The following PCDHGB4 variants were observed in gnomAD, a reference collection of about 807,000 sequenced individuals.
PCDHGB4 encodes protocadherin gamma subfamily B, 4, also known as protocadherin gamma-B4.
In PCDHGB4, 38 loss-of-function variants were observed where a neutral mutation model predicts 60.5. The ratio of observed to expected loss-of-function variants is 0.63; its 90% CI spans 0.48 to 0.82. The LOEUF (loss-of-function observed/expected upper bound fraction) is 0.82. Ranked by LOEUF, PCDHGB4 falls within the 40% of genes least tolerant of loss-of-function variation. The pLI is 0.00. For missense variants in PCDHGB4, 1,109 were observed against 1,209.6 expected (o/e 0.92, Z 1.23); for synonymous variants, 456 against 509.7 (o/e 0.89, Z 1.42).
intron 1 of PCDHGB4, among the ~76,000 whole-genome samples, chr5:141,406,071 C>T (rs2094755708): frequency 7.4e-6 from 1 of 134,244 alleles, no homozygotes; most frequent in East Asian, 2.1e-4. Context: ...AATTCTTACT[C>T]CTTTTTTTTT....
chr5:141,473,245 C>T (rs2099317733), intron 1 of PCDHGB4, among the ~76,000 whole-genome samples: 1 of 152,134 alleles, frequency 6.6e-6, no homozygotes, highest in African/African-American at 2.4e-5. Context: ...CAAGTGAATA[C>T]ATATATAGTC....
At chr5:141,407,032 CAT>C (rs2094880022) in intron 1 of PCDHGB4, among the ~76,000 whole-genome samples, 1 of 152,174 alleles carries the variant, frequency 6.6e-6, no homozygotes, top group African/African-American at 2.4e-5. Flanking sequence ...CTATGCTAAA[CAT>C]GTGATCCATA....
rs769760594 is a variant in PCDHGB4, at chr5:141,389,212, TA to T, written c.1331del (p.Asn444MetfsTer13). ...SSSITLHIGD[V>X]NDNAPVFSQS... ...AGCATCACCCTGCACATTGGTGATG[TA>T]AATGACAACGCTCCGGTTTTCTCAC... On this transcript the variant is annotated frameshift_variant, in exon 1 of 4. Coordinates refer to ENST00000519479, the MANE Select transcript of PCDHGB4 (RefSeq NM_003736.4). LOFTEE classifies it high-confidence loss of function. 96 of 1,614,016 alleles carry T rather than the reference TA, an allele frequency of 5.9e-5. No homozygotes were observed. The East Asian group carries it at 2.0e-3, about 33-fold the overall frequency.
Position 141,485,227 on chromosome 5 carries a change from G to T in PCDHGB4, c.2398-9580G>T. Reference sequence around the variant, plus strand: ...AAATCTGGCGGTGGGCTACCCTTTTGTTCCTCTTTTACCACCTGGGTTACG... The same window carrying T: ...AAATCTGGCGGTGGGCTACCCTTTTTTTCCTCTTTTACCACCTGGGTTACG... On this transcript the variant is annotated intron_variant, in intron 1 of 3. Transcript: ENST00000519479. The surrounding 1 kb of genome is among the most constrained non-coding windows in gnomAD (Gnocchi z 5.7). The T allele has an allele frequency of 6.2e-7, 1 of 1,614,186 alleles. No individual in the cohort carries two copies. Among genetic ancestry groups the T allele is most frequent in the Non-Finnish European group, 8.5e-7 (1 of 1,180,020 alleles).
chr5:141,408,372 G>A, intron 1 of PCDHGB4: 2 of 1,614,024 alleles, frequency 1.2e-6, no homozygotes, highest in African/African-American at 1.3e-5. Flanking sequence ...CTAGGGCTCA[G>A]TGTCCTGGAT....
chr5:141,409,481 A>G (rs1589715212), intron 1 of PCDHGB4: 1 of 1,613,968 alleles, frequency 6.2e-7, no homozygotes, highest in Non-Finnish European at 8.5e-7. Context: ...AGCCACTGAC[A>G]GGGGCAAGCC....
intron 1 of PCDHGB4, chr5:141,415,488 C>T: frequency 1.9e-6 from 3 of 1,614,220 alleles, no homozygotes; most frequent in Non-Finnish European, 2.5e-6. Context: ...GAAAGAGTCA[C>T]CTGATCTTCC....
At position 141,487,219 on chromosome 5, in the gene PCDHGB4, A is replaced by G. The variant is rs750819958; in HGVS notation, c.2398-7588A>G. ...CAGATCTTCGAGAATCTTCAGCTCC[A>G]AGGGAAGGAGAATCTCGTCTAACCC... On this transcript the variant is annotated intron_variant, in intron 1 of 3. Transcript: ENST00000519479. This position sits in a 1 kb window ranked among gnomAD's most constrained non-coding sequence, Gnocchi z 5.0. The G allele has an allele frequency of 1.2e-6, 2 of 1,613,952 alleles. No individual in the cohort carries two copies. The highest frequency in any genetic ancestry group is 3.3e-5 in the Admixed American group (2 of 60,020).
In PCDHGB4 at chr5:141,432,038, C is replaced by T. The variant is rs202246871; in HGVS notation, c.2397+41757C>T. ...CAACATCACAGTGACCGCCACTGAC[C>T]GGGGAACCCCGCCCCTATCCACGGA... On this transcript the variant is annotated intron_variant, in intron 1 of 3. Coordinates refer to ENST00000519479, the MANE Select transcript of PCDHGB4 (RefSeq NM_003736.4). The surrounding 1 kb of genome is among the most constrained non-coding windows in gnomAD (Gnocchi z 6.0). 15 of 1,614,190 alleles carry T rather than the reference C, an allele frequency of 9.3e-6. No individual in the cohort carries two copies. The African/African-American group carries it at 1.5e-4, about 16-fold the overall frequency.
intron 1 of PCDHGB4, chr5:141,428,370 C>A: frequency 1.8e-6 from 1 of 540,734 alleles, no homozygotes; most frequent in Non-Finnish European, 3.4e-6. Flanking sequence ...TCGCCTTGCA[C>A]CTGCGATGCT....
At chr5:141,396,847 T>G (rs2093444333) in intron 1 of PCDHGB4, among the ~76,000 whole-genome samples, 1 of 152,190 alleles carries the variant, frequency 6.6e-6, no homozygotes. Context: ...GGGAGTTAAC[T>G]TCATAGTTTG....
chr5:141,445,137 T>C (rs933188032), intron 1 of PCDHGB4, among the ~76,000 whole-genome samples: 9 of 152,248 alleles, frequency 5.9e-5, no homozygotes, highest in Admixed American at 3.3e-4. Context: ...AAATTGTATC[T>C]TCTAATTGTT....
intron 2 of PCDHGB4, among the ~76,000 whole-genome samples, chr5:141,499,689 CTTTTTTT>C (rs545067566): frequency 8.3e-6 from 1 of 119,856 alleles, no homozygotes; most frequent in Non-Finnish European, 1.7e-5. Flanking sequence ...TAACAGATGA[CTTTTTTT>C]TTTTTTTTTT....
At chr5:141,456,352 C>T (rs1253586137) in intron 1 of PCDHGB4, among the ~76,000 whole-genome samples, 1 of 152,050 alleles carries the variant, frequency 6.6e-6, no homozygotes, top group Non-Finnish European at 1.5e-5. Flanking sequence ...GGAAGAATGG[C>T]GTCCATGTGT....
rs549051669 is a variant in PCDHGB4, at chr5:141,450,866, C to A, written c.2398-43941C>A. 4.7e-5 allele frequency among the ~76,000 whole-genome samples: 7 copies of A among 149,836 alleles called. No homozygotes were observed. In the East Asian group the frequency reaches 1.4e-3, roughly 29 times the overall value. On this transcript the variant is annotated intron_variant, in intron 1 of 3. Transcript: ENST00000519479. ...TTGAGATGGGGTCTTGCTCTGTCAC[C>A]CAGGCTGGTGTGCAGTGGTGCGATA...
rs748828282 is a variant in PCDHGB4 at position 141,491,412 on chromosome 5, C to T, written c.2398-3395C>T. The T allele has an allele frequency of 3.1e-6, 5 of 1,613,944 alleles. No homozygotes were observed. The African/African-American group carries it at 5.3e-5, about 17-fold the overall frequency. Reference sequence around the variant, plus strand: ...GCCTTCAGGGAAACGCAGACGGGGACGGGGGTGGAGGGCAGTGCTGCAGGC... The same window carrying T: ...GCCTTCAGGGAAACGCAGACGGGGATGGGGGTGGAGGGCAGTGCTGCAGGC... On this transcript the variant is annotated intron_variant, in intron 1 of 3. Coordinates refer to ENST00000519479, the MANE Select transcript of PCDHGB4 (RefSeq NM_003736.4). The surrounding 1 kb of genome is among the most constrained non-coding windows in gnomAD (Gnocchi z 6.9).
At chr5:141,419,761 C>A in intron 1 of PCDHGB4, 1 of 1,614,008 alleles carries the variant, frequency 6.2e-7, no homozygotes, top group South Asian at 1.1e-5. Context: ...CTTTGGGTGA[C>A]AAGGACTCGG....
At chr5:141,429,597 G>A (rs937301997) in intron 1 of PCDHGB4, among the ~76,000 whole-genome samples, 2 of 152,094 alleles carry the variant, frequency 1.3e-5, no homozygotes, top group Non-Finnish European at 2.9e-5. Flanking sequence ...TGTAATTCAA[G>A]TAAACTCAAT....
At chr5:141,478,488 G>A in intron 1 of PCDHGB4, 1 of 1,613,320 alleles carries the variant, frequency 6.2e-7, no homozygotes, top group Non-Finnish European at 8.5e-7. Context: ...ACGCTGCGGA[G>A]CTGTGATCCG....
Sources: allele counts gnomAD v4.1 joint callset (sites outside exome capture counted in the v4.1 genomes callset), GRCh38; gene constraint gnomAD v4.1.1; non-coding constraint Gnocchi (gnomAD v3.1); transcripts MANE v1.5; gene names NCBI Gene and HGNC (gene_info 2026-07-23, HGNC 2026-07-21).